OAT: variants seen among roughly 807,000 people sequenced by gnomAD.
The protein encoded by OAT is ornithine aminotransferase, mitochondrial.
OAT carries 35 observed loss-of-function variants against 48.4 expected under a neutral mutation model. That is an observed-to-expected ratio of 0.72 (90% CI 0.55 to 0.96). The LOEUF is 0.96. Among genes scored for constraint, OAT ranks in the 40% least tolerant of loss-of-function variants. OAT has a pLI of 0.00. For synonymous variants in OAT, 182 were observed against 198.4 expected (o/e 0.92, Z 0.70); for missense variants, 438 against 537.9 (o/e 0.81, Z 1.84).
chr10:124,403,219 A>T, intron 6 of OAT, 164 bp from the exon 7 acceptor site: 1 of 755,028 alleles, frequency 1.3e-6, no homozygotes, highest in Admixed American at 2.3e-5. Flanking sequence ...AGAGTATCCT[A>T]TAAGAATCTT....
At chr10:124,411,807 C>T (rs1204601723) in intron 2 of OAT, among the ~76,000 whole-genome samples, 166 bp downstream of exon 2, 1 of 104,028 alleles carries the variant, frequency 9.6e-6, no homozygotes, top group Non-Finnish European at 1.9e-5. Context: ...CAGAGTGAGA[C>T]TCCGTCTCAA....
chr10:124,403,198 A>G (rs1951465585), intron 6 of OAT, 143 bp from the exon 7 acceptor site: 1 of 857,134 alleles, frequency 1.2e-6, no homozygotes, highest in Non-Finnish European at 1.9e-6. Flanking sequence ...TTTTAACTGC[A>G]CACAATTTCA....
Position 124,405,453 on chromosome 10 carries a change from C to A in OAT, c.631G>T (p.Asp211Tyr). ...MPGFDIIPYN[D>Y]LPALERALQD... ...TGAAATACCTCCAGTGCGGGCAGAT[C>A]ATTATAGGGAATGATGTCGAATCCC... Residue 211 changes from aspartate to tyrosine, a missense_variant, in exon 5 of 10, where the codon GAT (aspartate) becomes TAT (tyrosine). By Grantham distance (160) the Asp-to-Tyr change is radical. Coordinates refer to ENST00000368845, the MANE Select transcript of OAT (RefSeq NM_000274.4). The A allele has an allele frequency of 6.2e-7, 1 of 1,614,022 alleles. No homozygotes were observed. Among genetic ancestry groups the A allele is most frequent in the Non-Finnish European group, 8.5e-7 (1 of 1,179,954 alleles).
intron 1 of OAT, among the ~76,000 whole-genome samples, chr10:124,413,301 C>T (rs879488602): frequency 1.2e-4 from 18 of 144,176 alleles, no homozygotes; most frequent in Non-Finnish European, 1.8e-4. Flanking sequence ...CACACACACA[C>T]ACACACACAT....
intron 4 of OAT, chr10:124,405,815 G>A (rs1951559572): frequency 1.6e-6 from 2 of 1,285,038 alleles, no homozygotes; most frequent in Non-Finnish European, 2.0e-6. Context: ...CTCTTGACTG[G>A]AATATATAGC....
intron 1 of OAT, among the ~76,000 whole-genome samples, chr10:124,413,309 CATAT>C (rs1268341347): frequency 2.4e-4 from 31 of 129,132 alleles, no homozygotes; most frequent in Non-Finnish European, 2.4e-4. Flanking sequence ...CACACACACA[CATAT>C]ATGAGATTCC....
At chr10:124,412,606 G>C (rs761052156) in intron 1 of OAT, among the ~76,000 whole-genome samples, 2 of 152,006 alleles carry the variant, frequency 1.3e-5, no homozygotes, top group African/African-American at 2.4e-5. Flanking sequence ...AGGAGTTAAA[G>C]ACCAGCCTAG....
chr10:124,418,636 C>G (rs1004386490), intron 1 of OAT, among the ~76,000 whole-genome samples: 6 of 152,182 alleles, frequency 3.9e-5, no homozygotes, highest in Non-Finnish European at 8.8e-5. Flanking sequence ...GCCCCTGCCC[C>G]CTGAAGCTGC....
intron 5 of OAT, among the ~76,000 whole-genome samples, chr10:124,404,577 G>A (rs868519616): frequency 3.3e-5 from 5 of 151,746 alleles, no homozygotes; most frequent in South Asian, 2.1e-4. Flanking sequence ...GTGAGTCACC[G>A]CGCCTGACCT....
chr10:124,400,799 T>C, intron 9 of OAT, 41 bp downstream of exon 9: 1 of 1,451,268 alleles, frequency 6.9e-7, no homozygotes, highest in Non-Finnish European at 9.6e-7. Context: ...TTTTAGGTCT[T>C]CCTTAAAAAA....
chr10:124,408,419 C>T, intron 4 of OAT, 123 bp downstream of exon 4: 1 of 756,626 alleles, frequency 1.3e-6, no homozygotes, highest in East Asian at 3.1e-5. Flanking sequence ...CTCCAGGGCT[C>T]AAAGACTCCT....
In OAT at chr10:124,408,309, G is replaced by A. The variant is rs1277755380; in HGVS notation, c.520+233C>T. 4.4e-3 allele frequency among the ~76,000 whole-genome samples: 262 copies of A among 59,198 alleles called. 1 individual carries two copies. The highest frequency in any genetic ancestry group is 0.012 in the African/African-American group (126 of 10,190). 38.8% of individuals were successfully genotyped at this position (59,198 alleles called of 152,430 possible). A position where few individuals can be genotyped will look rare whatever the true frequency, so the allele number is the denominator to read the frequency against. ...AGTGTGTGTGTGTGTGTGTGTGTGT[G>A]TGTGTGTGTATATATATATATATAT... On this transcript the variant is annotated intron_variant, in intron 4 of 9. Coordinates refer to ENST00000368845, the MANE Select transcript of OAT (RefSeq NM_000274.4).
intron 9 of OAT, among the ~76,000 whole-genome samples, chr10:124,399,335 ATTCTTTTT>A (rs548403488): frequency 0.035 from 3,557 of 100,252 alleles, 171 homozygotes; most frequent in African/African-American, 0.12. Context: ...TCCCCAGGTG[ATTCTTTTT>A]TTTTTTTTTT....
intron 6 of OAT, among the ~76,000 whole-genome samples, 185 bp downstream of exon 6, chr10:124,403,613 G>A (rs1951481576): frequency 6.6e-6 from 1 of 152,168 alleles, no homozygotes; most frequent in African/African-American, 2.4e-5. Context: ...CTTCTGTGCA[G>A]GTTTCTAAGC....
Position 124,406,974 on chromosome 10 carries a change from A to G in OAT, c.521-1411T>C, listed in dbSNP as rs1178696399. The stretch of plus-strand genomic sequence containing the variant: ...CATTCAAGAAGGAAAGACACCATGT[A>G]AAATAACAGAGAGGTTGGGAGTTTG... On this transcript the variant is annotated intron_variant, in intron 4 of 9. Coordinates refer to ENST00000368845, the MANE Select transcript of OAT (RefSeq NM_000274.4). 4 of 985,262 alleles carry G rather than the reference A, an allele frequency of 4.1e-6. No individual in the cohort carries two copies. The African/African-American group carries it at 7.0e-5, about 17-fold the overall frequency. The allele number at this position is 985,262 out of a possible 1,614,324, so 61.0% of individuals were successfully genotyped here. A position where few individuals can be genotyped will look rare whatever the true frequency, so the allele number is the denominator to read the frequency against.
At chr10:124,401,866 A>C in intron 7 of OAT, 27 bp from the exon 8 acceptor site, 12 of 1,515,548 alleles carry the variant, frequency 7.9e-6, no homozygotes, top group South Asian at 1.1e-5. Flanking sequence ...TCACCATGTC[A>C]TTTCTCAGCA....
At chr10:124,402,872 T>C (rs1951450988) in intron 7 of OAT, 55 bp downstream of exon 7, 4 of 1,602,648 alleles carry the variant, frequency 2.5e-6, no homozygotes, top group Non-Finnish European at 2.6e-6. Flanking sequence ...ATAAATACTT[T>C]AGGGGTATAT....
rs1348305232 is a variant in OAT, at chr10:124,397,389, AATTT to A, written c.*549_*552del. 6.6e-6 allele frequency: 1 copy of A among 152,302 alleles called. No homozygotes were observed. The highest frequency in any genetic ancestry group is 1.5e-5 in the Non-Finnish European group (1 of 68,086). The allele number at this position is 152,302 out of a possible 1,614,324, so 9.4% of individuals were successfully genotyped here. A position where few individuals can be genotyped will look rare whatever the true frequency, so the allele number is the denominator to read the frequency against. On this transcript the variant is annotated 3_prime_UTR_variant, in exon 10 of 10. Transcript: ENST00000368845. ...CAAATTATAATCAAGCACTCAAAAC[AATTT>A]AGGAATGTTAAACACTAATTCTTAA...
rs121965052 is a variant in OAT at position 124,403,820 on chromosome 10, C to A, written c.749G>T (p.Arg250Leu). ...VPDPGYLMGV[R>L]ELCTRHQVLF... ...AACCTGGTGCCTGGTGCAGAGCTCT[C>A]GCACTCCCATTAGGTAACCTGGATC... Residue 250 changes from arginine (R) to leucine (L), a missense_variant, in exon 6 of 10, where the codon CGA (arginine) becomes CTA (leucine). Coordinates refer to ENST00000368845, the MANE Select transcript of OAT (RefSeq NM_000274.4). 13 of 1,614,144 alleles carry A rather than the reference C, an allele frequency of 8.1e-6. No homozygotes were observed. Among genetic ancestry groups the A allele is most frequent in the Non-Finnish European group, 1.1e-5 (13 of 1,179,998 alleles).
Sources: allele counts gnomAD v4.1 joint callset (sites outside exome capture counted in the v4.1 genomes callset), GRCh38; gene constraint gnomAD v4.1.1; transcripts MANE v1.5; gene names NCBI Gene and HGNC (gene_info 2026-07-23, HGNC 2026-07-21).